The following MDH1B variants were observed in gnomAD, a reference collection of about 807,000 sequenced individuals.
MDH1B encodes putative malate dehydrogenase 1B.
MDH1B carries 60 observed loss-of-function variants against 61.4 expected under a neutral mutation model. The ratio of observed to expected loss-of-function variants is 0.98; its 90% CI spans 0.79 to 1.21. MDH1B has a LOEUF of 1.21. Ranked by LOEUF, MDH1B falls within the 50% of genes most tolerant of loss-of-function variation. MDH1B has a pLI of 0.00. For missense variants in MDH1B, 587 were observed against 632.1 expected, an observed-to-expected ratio of 0.93 and a Z score of 0.76; for synonymous variants, 236 against 218.7, an observed-to-expected ratio of 1.08 and a Z score of -0.70.
chr2:206,746,239 T>TC, intron 8 of MDH1B, 48 bp downstream of exon 8: 1 of 1,563,080 alleles, frequency 6.4e-7, no homozygotes, highest in Non-Finnish European at 8.7e-7. Flanking sequence ...GAGAATCAGT[T>TC]TAAGGTCATT....
At chr2:206,764,797 ATCT>A (rs1689334848) in intron 1 of MDH1B, among the ~76,000 whole-genome samples, 2 of 151,860 alleles carry the variant, frequency 1.3e-5, no homozygotes, top group Non-Finnish European at 2.9e-5. Flanking sequence ...ACATATCCAG[ATCT>A]TCTGTTAGGC....
Position 206,760,947 on chromosome 2 carries a change from G to C in MDH1B, c.89C>G (p.Pro30Arg), listed in dbSNP as rs1248315722. The change falls in exon 2 of 12, where the codon CCT (proline) becomes CGT (arginine). Residue 30 changes from proline (P) to arginine (R), a missense_variant. Transcript: ENST00000374412. ...LVADYLQKNL[P>R]DFRIHKITQR... The stretch of plus-strand genomic sequence containing the variant: ...TGTGATTTTATGTATCCGAAAATCA[G>C]GAAGATTCTTTTGTAAATAGTCTGC... 5.0e-6 allele frequency: 8 copies of C among 1,612,994 alleles called. No individual in the cohort carries two copies. The highest frequency in any genetic ancestry group is 6.8e-6 in the Non-Finnish European group (8 of 1,179,230).
chr2:206,750,343 C>T (rs750476472), intron 6 of MDH1B, among the ~76,000 whole-genome samples: 2 of 146,676 alleles, frequency 1.4e-5, no homozygotes, highest in Non-Finnish European at 3.0e-5. Flanking sequence ...ACCATTTCCA[C>T]TTTGCAGATG....
Position 206,749,012 on chromosome 2 carries a change from A to G in MDH1B, c.1216+8T>C. 1 of 1,611,362 alleles carries G rather than the reference A, an allele frequency of 6.2e-7. No individual in the cohort carries two copies. The highest frequency in any genetic ancestry group is 8.5e-7 in the Non-Finnish European group (1 of 1,178,914). On this transcript the variant is annotated splice_region_variant and intron_variant, in intron 7 of 11. Coordinates refer to ENST00000374412, the MANE Select transcript of MDH1B (RefSeq NM_001039845.3). ...AGATTTTACAAGATATGAAAAACCCAGATTTACCTTCACTCAATATTCCTA... is the reference window on the plus strand; with the variant it reads ...AGATTTTACAAGATATGAAAAACCCGGATTTACCTTCACTCAATATTCCTA...
chr2:206,763,240 G>A (rs999399058), intron 1 of MDH1B, among the ~76,000 whole-genome samples: 2 of 132,304 alleles, frequency 1.5e-5, no homozygotes, highest in Non-Finnish European at 3.1e-5. Context: ...CTACTCATCC[G>A]CTTTTTTTTT....
intron 6 of MDH1B, among the ~76,000 whole-genome samples, chr2:206,750,436 C>T (rs1212823428): frequency 2.0e-5 from 3 of 149,284 alleles, no homozygotes; most frequent in Non-Finnish European, 4.5e-5. Context: ...ACATGATGGT[C>T]ACACAGCTAC....
chr2:206,748,932 A>G, intron 7 of MDH1B, 88 bp downstream of exon 7: 1 of 1,135,022 alleles, frequency 8.8e-7, no homozygotes. Flanking sequence ...CCATGTTAAG[A>G]GCTAGATGGG....
intron 2 of MDH1B, among the ~76,000 whole-genome samples, chr2:206,759,289 C>A (rs2105951753): frequency 6.6e-6 from 1 of 152,270 alleles, no homozygotes; most frequent in East Asian, 1.9e-4. Flanking sequence ...CCAGCTCCAT[C>A]CATGTCCCTG....
chr2:206,741,141 A>G, intron 9 of MDH1B, 37 bp from the exon 10 acceptor site: 11 of 1,611,186 alleles, frequency 6.8e-6, no homozygotes, highest in Non-Finnish European at 9.3e-6. Flanking sequence ...CTGGATTTAG[A>G]ATATAACCAA....
At chr2:206,739,474 G>A (rs1687685198) in intron 11 of MDH1B, 119 bp downstream of exon 11, 1 of 884,914 alleles carries the variant, frequency 1.1e-6, no homozygotes. Flanking sequence ...GGTCCCTGGG[G>A]AATGTGGGAA....
intron 5 of MDH1B, among the ~76,000 whole-genome samples, chr2:206,752,890 C>T (rs754464755): frequency 3.3e-5 from 5 of 151,792 alleles, no homozygotes; most frequent in Non-Finnish European, 5.9e-5. Context: ...ACTGTCCTCA[C>T]GCCTTAGGTC....
chr2:206,748,946 G>T, intron 7 of MDH1B, 74 bp downstream of exon 7: 4 of 1,336,236 alleles, frequency 3.0e-6, no homozygotes, highest in Non-Finnish European at 3.2e-6. Flanking sequence ...AGATGGGTGG[G>T]GACACAGAAT....
At chr2:206,739,346 T>C (rs1687676167) in intron 11 of MDH1B, among the ~76,000 whole-genome samples, 1 of 151,726 alleles carries the variant, frequency 6.6e-6, no homozygotes, top group Non-Finnish European at 1.5e-5. Flanking sequence ...TCTAGGAGGC[T>C]GAGGTTGCAG....
Position 206,755,399 on chromosome 2 carries a change from C to A in MDH1B, c.520G>T (p.Glu174Ter). 6.2e-7 allele frequency: 1 copy of A among 1,614,230 alleles called. No individual in the cohort carries two copies. The highest frequency in any genetic ancestry group is 8.5e-7 in the Non-Finnish European group (1 of 1,180,044). Reference sequence around the variant, plus strand: ...ACCACAAGGCTTTTGAGATGTTCTTCCGCCTGCTTGTTGTCAAATAGAGTT... The same window carrying A: ...ACCACAAGGCTTTTGAGATGTTCTTACGCCTGCTTGTTGTCAAATAGAGTT... ...SITLFDNKQA[E>*]EHLKSLVVET... The change falls in exon 5 of 12, where the codon GAA becomes TAA. Residue 174 changes from glutamate to a stop codon, truncating the protein, a stop_gained. Transcript: ENST00000374412. LOFTEE classifies it high-confidence loss of function.
intron 2 of MDH1B, among the ~76,000 whole-genome samples, chr2:206,758,626 CGTG>C (rs1688901501): frequency 6.6e-6 from 1 of 151,914 alleles, no homozygotes; most frequent in Non-Finnish European, 1.5e-5. Context: ...TTTAGCCAGG[CGTG>C]GTGATGGGTG....
rs1320097300 is a variant in MDH1B, at chr2:206,755,063, C to T, written c.856G>A (p.Val286Met). The stretch of plus-strand genomic sequence containing the variant: ...AGTATGGCTTTCGCTTCACCTTCCA[C>T]CCCCAGCGCCACAGCAATAATGTTG... ...AHNIIAVALG[V>M]EGEAKAILAR... The change falls in exon 5 of 12, where the codon GTG (valine) becomes ATG (methionine). Residue 286 changes from valine to methionine, a missense_variant. Transcript: ENST00000374412. 1.2e-6 allele frequency: 2 copies of T among 1,614,162 alleles called. No homozygotes were observed. Among genetic ancestry groups the T allele is most frequent in the South Asian group, 2.2e-5 (2 of 91,084 alleles).
At chr2:206,760,838 T>C in intron 2 of MDH1B, 63 bp downstream of exon 2, 1 of 931,112 alleles carries the variant, frequency 1.1e-6, no homozygotes, top group Non-Finnish European at 1.7e-6. Flanking sequence ...CCAGTTAATA[T>C]TTAATCAAAT....
intron 9 of MDH1B, 141 bp from the exon 10 acceptor site, chr2:206,741,245 C>A: frequency 9.3e-7 from 1 of 1,076,502 alleles, no homozygotes; most frequent in Admixed American, 2.2e-5. Context: ...CATTATAGTC[C>A]AATGTGTACA....
intron 9 of MDH1B, 132 bp from the exon 10 acceptor site, chr2:206,741,236 A>C: frequency 8.4e-7 from 1 of 1,185,470 alleles, no homozygotes; most frequent in Non-Finnish European, 1.2e-6. Context: ...CACATTTTAC[A>C]TTATAGTCCA....
Sources: gnomAD v4.1 joint callset for allele counts (sites outside exome capture counted in the v4.1 genomes callset) on GRCh38, gnomAD v4.1.1 for gene constraint, MANE v1.5 for transcripts, NCBI Gene and HGNC (gene_info 2026-07-23, HGNC 2026-07-21) for gene names.